Variants in ATP11C observed in about 807,000 individuals in gnomAD.
ATP11C encodes the protein phospholipid-transporting ATPase IG.
A neutral mutation model predicts 97.4 loss-of-function variants in ATP11C; 36 were observed. The observed-to-expected ratio is 0.37, with a 90% confidence interval of 0.28 to 0.49. The LOEUF (loss-of-function observed/expected upper bound fraction) is 0.49. ATP11C is among the 20% of genes least tolerant of loss of function. The pLI, the probability that ATP11C is intolerant of heterozygous loss-of-function variation, is 0.98. For missense variants in ATP11C, 730 were observed against 824.6 expected (o/e 0.89, Z 1.40); for synonymous variants, 275 against 290.9 (o/e 0.95, Z 0.56).
intron 1 of ATP11C, among the ~76,000 whole-genome samples, chrX:139,912,993 C>T (rs947905700): frequency 1.8e-5 from 2 of 111,782 alleles, no homozygotes; most frequent in African/African-American, 6.5e-5. Flanking sequence ...GAATCACTGG[C>T]TGTAATAAAC....
At chrX:139,770,469 G>A (rs1237558887) in intron 19 of ATP11C, among the ~76,000 whole-genome samples, 1 of 112,080 alleles carries the variant, frequency 8.9e-6, no homozygotes, top group Non-Finnish European at 1.9e-5. Flanking sequence ...CTGAATCTGT[G>A]ACTAATGGAG....
chrX:139,788,407 G>A (rs1390931320), intron 13 of ATP11C, 64 bp from the exon 14 acceptor site: 7 of 982,121 alleles, frequency 7.1e-6, no homozygotes, highest in Non-Finnish European at 1.0e-5. Flanking sequence ...ACTAGGCAGT[G>A]AACGGAGAAA....
chrX:139,775,644 T>C (rs1394891543), intron 18 of ATP11C, among the ~76,000 whole-genome samples: 1 of 112,704 alleles, frequency 8.9e-6, no homozygotes, highest in Non-Finnish European at 1.9e-5. Context: ...GAAATGCTTC[T>C]CTGCTTCCCT....
chrX:139,894,292 G>T (rs1392822770), intron 1 of ATP11C, among the ~76,000 whole-genome samples: 3 of 112,263 alleles, frequency 2.7e-5, no homozygotes, highest in African/African-American at 9.7e-5. Flanking sequence ...TTTATCCCTA[G>T]TATCACACAA....
intron 23 of ATP11C, among the ~76,000 whole-genome samples, 197 bp downstream of exon 23, chrX:139,757,611 T>G (rs1176673407): frequency 8.9e-6 from 1 of 112,077 alleles, no homozygotes; most frequent in African/African-American, 3.2e-5. Flanking sequence ...TCCAACAGGA[T>G]GTACCAAAAG....
At chrX:139,933,298 G>GT (rs2085476768), upstream of ATP11C, among the ~76,000 whole-genome samples, 2 of 66,493 alleles carry the variant, frequency 3.0e-5, no homozygotes, top group African/African-American at 1.2e-4. Flanking sequence ...CCGGCTGGGT[G>GT]TGGAGGCCGG....
chrX:139,928,944 A>T (rs766923049), intron 1 of ATP11C, among the ~76,000 whole-genome samples: 21 of 112,168 alleles, frequency 1.9e-4, no homozygotes, highest in South Asian at 1.1e-3. Context: ...AGCCAAAAAG[A>T]GGGGGGAATT....
intron 17 of ATP11C, 136 bp downstream of exon 17, chrX:139,783,028 C>A: frequency 2.1e-6 from 1 of 477,985 alleles, no homozygotes; most frequent in South Asian, 5.6e-5. Context: ...ATTATCAAAT[C>A]CCCAAATACA....
chrX:139,729,480 C>T (rs1356705572), intron 29 of ATP11C, among the ~76,000 whole-genome samples: 1 of 111,500 alleles, frequency 9.0e-6, no homozygotes, highest in Non-Finnish European at 1.9e-5. Flanking sequence ...AAATATTCTT[C>T]CTTTTTACTG....
chrX:139,915,819 ATGT>A (rs1370899644), intron 1 of ATP11C, among the ~76,000 whole-genome samples: 1 of 112,221 alleles, frequency 8.9e-6, no homozygotes, highest in Non-Finnish European at 1.9e-5. Flanking sequence ...AAGAAAATCA[ATGT>A]TGTAAATGTG....
intron 20 of ATP11C, among the ~76,000 whole-genome samples, chrX:139,766,485 A>G (rs1367587994): frequency 8.9e-6 from 1 of 112,031 alleles, no homozygotes; most frequent in African/African-American, 3.2e-5. Context: ...TGGGGCCAAG[A>G]AAGTTTTACA....
intron 22 of ATP11C, among the ~76,000 whole-genome samples, chrX:139,760,491 T>A (rs1381024356): frequency 8.9e-6 from 1 of 112,064 alleles, no homozygotes; most frequent in African/African-American, 3.2e-5. Context: ...AATCAGGTGC[T>A]GAGCTTTAAC....
At chrX:139,817,427 G>A (rs1015270611) in intron 3 of ATP11C, among the ~76,000 whole-genome samples, 3 of 112,419 alleles carry the variant, frequency 2.7e-5, no homozygotes, top group Non-Finnish European at 5.6e-5. Flanking sequence ...CAGGTCTCTA[G>A]GAAATAAAGG....
At chrX:139,742,347 C>T (rs141679222) in intron 26 of ATP11C, among the ~76,000 whole-genome samples, 1,162 of 111,441 alleles carry the variant, frequency 0.01, 16 homozygotes, top group African/African-American at 0.037. Context: ...AGTTACTTGC[C>T]GAAGGACACA....
chrX:139,808,975 C>T (rs968614363), intron 5 of ATP11C, among the ~76,000 whole-genome samples: 3 of 110,224 alleles, frequency 2.7e-5, no homozygotes, highest in Non-Finnish European at 3.8e-5. Flanking sequence ...TAGCCAGGTG[C>T]GGTGCCACAT....
intron 1 of ATP11C, among the ~76,000 whole-genome samples, chrX:139,928,127 A>G (rs1017789530): frequency 9.0e-6 from 1 of 111,356 alleles, no homozygotes; most frequent in African/African-American, 3.3e-5. Flanking sequence ...ATCAGTGCCA[A>G]TTCTCTCCAT....
At chrX:139,904,897 G>A (rs1350063451) in intron 1 of ATP11C, among the ~76,000 whole-genome samples, 1 of 112,142 alleles carries the variant, frequency 8.9e-6, no homozygotes, top group African/African-American at 3.2e-5. Context: ...GTAGAGTAAG[G>A]AGTCTGAATC....
intron 26 of ATP11C, among the ~76,000 whole-genome samples, chrX:139,741,819 CT>C (rs1258324256): frequency 9.0e-6 from 1 of 111,574 alleles, no homozygotes; most frequent in Non-Finnish European, 1.9e-5. Context: ...GACTATTTCG[CT>C]TGCTTAAAAC....
chrX:139,777,566 AAAG>A (rs1439299620), intron 18 of ATP11C, among the ~76,000 whole-genome samples: 4 of 111,425 alleles, frequency 3.6e-5, no homozygotes, highest in Non-Finnish European at 5.6e-5. Context: ...TTCTGAGAGA[AAAG>A]AAGAAAAAAA....
Sources: allele counts gnomAD v4.1 joint callset (sites outside exome capture counted in the v4.1 genomes callset), GRCh38; gene constraint gnomAD v4.1.1; transcripts MANE v1.5; gene names NCBI Gene and HGNC (gene_info 2026-07-23, HGNC 2026-07-21).